Variants in SOX6 observed in about 807,000 individuals in gnomAD.
SOX6 encodes transcription factor SOX-6.
SOX6 carries 11 observed loss-of-function variants against 97.8 expected under a neutral mutation model. The ratio of observed to expected loss-of-function variants is 0.11; its 90% CI spans 0.07 to 0.19. The LOEUF (loss-of-function observed/expected upper bound fraction) is 0.19, where lower values mean the gene tolerates loss of function less well. Ranked by LOEUF, SOX6 falls within the 10% of genes least tolerant of loss-of-function variation. The pLI is 1.00. For missense variants in SOX6, 810 were observed against 1,039.5 expected, an observed-to-expected ratio of 0.78 and a Z score of 3.04; for synonymous variants, 360 against 371.4, an observed-to-expected ratio of 0.97 and a Z score of 0.35.
chr11:16,243,925 C>T (rs12295379), intron 3 of SOX6, among the ~76,000 whole-genome samples: 8,575 of 151,868 alleles, frequency 0.056, 488 homozygotes, highest in East Asian at 0.32. Flanking sequence ...ATTCATCTGT[C>T]TATGGACATG....
chr11:16,478,595 T>G (rs1180890523), upstream of SOX6, among the ~76,000 whole-genome samples: 2 of 152,218 alleles, frequency 1.3e-5, no homozygotes, highest in African/African-American at 4.8e-5. Context: ...TGGTGAAATT[T>G]ACAGCAAAGA....
In SOX6 at chr11:16,291,336, A is replaced by G. The variant is rs1421767590; in HGVS notation, c.445+27110T>C. ...CTGTTTTCTTTTATGTGGCTCAATA[A>G]GTAATATCCTGCTCAATATAATGAA... On this transcript the variant is annotated intron_variant, in intron 3 of 15. Coordinates refer to ENST00000683767, the MANE Select transcript of SOX6 (RefSeq NM_001367873.1). Among the ~76,000 whole-genome samples the G allele has an allele frequency of 3.4e-5, 5 of 148,088 alleles. No homozygotes were observed. In the South Asian group the frequency reaches 6.4e-4, roughly 19 times the overall value.
chr11:16,464,266 T>C (rs1052827431), intron 1 of SOX6, among the ~76,000 whole-genome samples: 10 of 152,092 alleles, frequency 6.6e-5, no homozygotes, highest in African/African-American at 2.4e-4. Flanking sequence ...TTCCAACAGT[T>C]CCTTAGTTTC....
chr11:16,638,899 C>G (rs538583871), intron 3 of SOX6, among the ~76,000 whole-genome samples: 4 of 151,974 alleles, frequency 2.6e-5, no homozygotes, highest in East Asian at 1.9e-4. Flanking sequence ...AGTTTCTTTT[C>G]CTGTGCAGAA....
intron 7 of SOX6, among the ~76,000 whole-genome samples, chr11:16,108,153 A>C (rs2133990293): frequency 1.3e-5 from 2 of 152,318 alleles, no homozygotes; most frequent in Middle Eastern, 3.4e-3. Flanking sequence ...GTCCATGTGA[A>C]ATATGTAGCA....
intron 13 of SOX6, among the ~76,000 whole-genome samples, chr11:16,011,999 T>A (rs1265893498): frequency 6.6e-6 from 1 of 151,992 alleles, no homozygotes; most frequent in Non-Finnish European, 1.5e-5. Context: ...CTAGACCATA[T>A]GTTTAAAGAG....
chr11:16,532,776 T>G (rs140839682), intron 4 of SOX6, among the ~76,000 whole-genome samples: 1 of 152,006 alleles, frequency 6.6e-6, no homozygotes, highest in East Asian at 1.9e-4. Flanking sequence ...TTCTGAAGCA[T>G]GATATGCCAG....
intron 4 of SOX6, among the ~76,000 whole-genome samples, chr11:16,231,120 G>A (rs1284302086): frequency 6.6e-6 from 1 of 151,660 alleles, no homozygotes; most frequent in East Asian, 1.9e-4. Context: ...TTCAATTTCA[G>A]GATGAAGAAG....
intron 4 of SOX6, among the ~76,000 whole-genome samples, chr11:16,604,816 C>G (rs535879004): frequency 6.6e-6 from 1 of 152,362 alleles, no homozygotes; most frequent in South Asian, 2.1e-4. Flanking sequence ...CTTGGTCCGC[C>G]TAAGAGACCG....
chr11:16,408,944 G>A (rs937986619), intron 1 of SOX6: 11 of 152,126 alleles, frequency 7.2e-5, no homozygotes, highest in African/African-American at 2.7e-4. Flanking sequence ...GGGTAATTGT[G>A]GGACCTGAAG....
intron 12 of SOX6, among the ~76,000 whole-genome samples, chr11:16,030,560 T>C (rs930505925): frequency 6.6e-5 from 10 of 152,250 alleles, no homozygotes; most frequent in South Asian, 4.2e-4. Context: ...CTTTTAAAAT[T>C]ATATAAACTT....
At chr11:16,688,549 AC>A (rs1847986811) in intron 3 of SOX6, among the ~76,000 whole-genome samples, 2 of 152,188 alleles carry the variant, frequency 1.3e-5, no homozygotes, top group African/African-American at 4.8e-5. Context: ...AATATCTAAT[AC>A]ACTGTTCATT....
chr11:16,709,830 A>C (rs1273889699), intron 3 of SOX6, among the ~76,000 whole-genome samples: 1 of 152,244 alleles, frequency 6.6e-6, no homozygotes, highest in Non-Finnish European at 1.5e-5. Context: ...TCTAAAAAAC[A>C]ATTGATGCAG....
At chr11:16,415,930 A>T (rs943831251) in intron 1 of SOX6, among the ~76,000 whole-genome samples, 1 of 152,202 alleles carries the variant, frequency 6.6e-6, no homozygotes, top group African/African-American at 2.4e-5. Flanking sequence ...GATTCTAGAT[A>T]GTCCTTTGAT....
intron 1 of SOX6, among the ~76,000 whole-genome samples, chr11:16,410,564 C>T (rs1298999604): frequency 6.6e-6 from 1 of 151,924 alleles, no homozygotes; most frequent in Non-Finnish European, 1.5e-5. Context: ...CGACACTAGC[C>T]TGTGTAATGA....
intron 3 of SOX6, among the ~76,000 whole-genome samples, chr11:16,682,938 C>A (rs1308291645): frequency 6.6e-6 from 1 of 152,152 alleles, no homozygotes; most frequent in Non-Finnish European, 1.5e-5. Flanking sequence ...TTCCTATACA[C>A]CAATAACAGA....
rs1849278991 is a variant in SOX6 at position 16,113,545 on chromosome 11, G to T, written c.778-1622C>A. 3.3e-5 allele frequency among the ~76,000 whole-genome samples: 5 copies of T among 152,224 alleles called. No individual in the cohort carries two copies. The South Asian group carries it at 1.0e-3, about 32-fold the overall frequency. On this transcript the variant is annotated intron_variant, in intron 6 of 15. Transcript: ENST00000683767. ...TTGTTGTACCCTGATGCAAACCTGA[G>T]ACATCAGAGACGAGGGCACTATTCT...
chr11:16,602,873 T>C (rs979205933), intron 4 of SOX6, among the ~76,000 whole-genome samples: 2 of 151,900 alleles, frequency 1.3e-5, no homozygotes, highest in Non-Finnish European at 2.9e-5. Flanking sequence ...ATACAAAAAT[T>C]AGCTGGGCGT....
intron 4 of SOX6, among the ~76,000 whole-genome samples, chr11:16,563,965 C>A (rs1589987076): frequency 6.6e-6 from 1 of 152,014 alleles, no homozygotes; most frequent in African/African-American, 2.4e-5. Flanking sequence ...TTTCGAAGTG[C>A]TGAAAGAAAT....
Sources: allele counts gnomAD v4.1 joint callset (sites outside exome capture counted in the v4.1 genomes callset), GRCh38; gene constraint gnomAD v4.1.1; transcripts MANE v1.5; gene names NCBI Gene and HGNC (gene_info 2026-07-23, HGNC 2026-07-21).